The following APOD variants were observed in gnomAD, a reference collection of about 807,000 sequenced individuals.
APOD encodes the protein apo-D.
APOD carries 22 observed loss-of-function variants against 20.4 expected under a neutral mutation model. The ratio of observed to expected loss-of-function variants is 1.08; its 90% CI spans 0.77 to 1.54. The LOEUF (loss-of-function observed/expected upper bound fraction) is 1.54, where lower values mean the gene tolerates loss of function less well. APOD is among the 40% of genes most tolerant of loss of function. APOD has a pLI of 0.00. For missense variants in APOD, 223 were observed against 229.6 expected (o/e 0.97, Z 0.19); for synonymous variants, 97 against 92.4 (o/e 1.05, Z -0.29).
chr3:195,571,544 C>G (rs78923543), intron 3 of APOD, among the ~76,000 whole-genome samples, 179 bp from the exon 4 acceptor site: 10,464 of 152,156 alleles, frequency 0.069, 493 homozygotes, highest in South Asian at 0.19. Context: ...GCTCCATGGC[C>G]TGGCCTTTCC....
At chr3:195,572,779 A>T (rs1720184946) in intron 3 of APOD, among the ~76,000 whole-genome samples, 1 of 151,940 alleles carries the variant, frequency 6.6e-6, no homozygotes, top group Non-Finnish European at 1.5e-5. Flanking sequence ...TGGGAGGCCA[A>T]GGGGGGGCGG....
intron 2 of APOD, among the ~76,000 whole-genome samples, chr3:195,575,877 C>T (rs1045747724): frequency 2.0e-5 from 3 of 152,158 alleles, no homozygotes; most frequent in Non-Finnish European, 2.9e-5. Context: ...CCCCCTGCCT[C>T]GGCCTCCCAA....
intron 2 of APOD, among the ~76,000 whole-genome samples, chr3:195,578,231 T>A (rs1203540927): frequency 6.6e-6 from 1 of 152,164 alleles, no homozygotes; most frequent in Non-Finnish European, 1.5e-5. Context: ...CTCTCTGTGG[T>A]CTATCAGAGT....
At position 195,568,835 on chromosome 3, in the gene APOD, G is replaced by C. The variant is rs1015918248; in HGVS notation, c.*65C>G. On this transcript the variant is annotated 3_prime_UTR_variant, in exon 5 of 5. Transcript: ENST00000343267. ...TGGTTGATTGGTTTGTCTTTATGGG[G>C]GGGGGGTAGGGGAAAGCGAAGCAGA... 1.6e-5 allele frequency: 17 copies of C among 1,064,974 alleles called. No homozygotes were observed. Among genetic ancestry groups the C allele is most frequent in the South Asian group, 1.5e-4 (11 of 73,282 alleles). 66.0% of individuals were successfully genotyped at this position (1,064,974 alleles called of 1,614,324 possible).
At chr3:195,573,742 G>T in intron 3 of APOD, 108 bp downstream of exon 3, 1 of 1,411,950 alleles carries the variant, frequency 7.1e-7, no homozygotes, top group Non-Finnish European at 9.7e-7. Flanking sequence ...GGAGCAGGCA[G>T]TCCCGATCCA....
intron 2 of APOD, among the ~76,000 whole-genome samples, chr3:195,578,263 C>G (rs1050127563): frequency 6.6e-6 from 1 of 152,058 alleles, no homozygotes. Flanking sequence ...AGGGATCAGC[C>G]TGTAAGTGGA....
At chr3:195,571,235 A>T in intron 4 of APOD, 42 bp downstream of exon 4, 1 of 1,574,474 alleles carries the variant, frequency 6.4e-7, no homozygotes, top group Non-Finnish European at 8.7e-7. Context: ...CAGTTTGCAT[A>T]TTTCCTGTCC....
chr3:195,580,497 C>T (rs1024835895), intron 1 of APOD, among the ~76,000 whole-genome samples: 5 of 152,038 alleles, frequency 3.3e-5, no homozygotes, highest in East Asian at 3.9e-4. Context: ...CTCTGTCTCC[C>T]GGGTTCAAGT....
At position 195,579,363 on chromosome 3, in the gene APOD, C is replaced by T. The variant is rs754347210; in HGVS notation, c.99G>A (p.Val33=). ...CCTTATTCACGTCAAAATTCTCCTG[C>T]ACCGGAGGATTGGGGCACTTCCCAA... ...FHLGKCPNPP[V]QENFDVNKYL... is the part of the protein sequence containing the mutation. The change falls in exon 2 of 5, where the codon GTG becomes GTA. Residue 33 remains valine (V), a synonymous_variant. Transcript: ENST00000343267. 3 of 1,614,130 alleles carry T rather than the reference C, an allele frequency of 1.9e-6. No individual in the cohort carries two copies. Among genetic ancestry groups the T allele is most frequent in the Non-Finnish European group, 2.5e-6 (3 of 1,180,052 alleles).
intron 4 of APOD, 115 bp downstream of exon 4, chr3:195,571,162 G>T: frequency 1.1e-5 from 10 of 893,390 alleles, no homozygotes; most frequent in Admixed American, 1.7e-5. Flanking sequence ...ATAATTATGT[G>T]CTGAGTGATT....
Position 195,569,072 on chromosome 3 carries a change from G to T in APOD, c.398C>A (p.Ser133Tyr). ...AAAAAGTTGGATGATGCAGGTACAG[G>T]AATACACGAGGGCATAGTTCTCATA... ...TDYENYALVY[S>Y]CTCIIQLFHV... The change falls in exon 5 of 5, where the codon TCC becomes TAC. Residue 133 changes from serine to tyrosine, a missense_variant. By Grantham distance (144) the Ser-to-Tyr change is moderately radical. Coordinates refer to ENST00000343267, the MANE Select transcript of APOD (RefSeq NM_001647.4). The T allele has an allele frequency of 6.2e-7, 1 of 1,614,142 alleles. No homozygotes were observed. Among genetic ancestry groups the T allele is most frequent in the Non-Finnish European group, 8.5e-7 (1 of 1,180,026 alleles).
At chr3:195,574,883 G>A (rs929092757) in intron 2 of APOD, among the ~76,000 whole-genome samples, 1 of 152,188 alleles carries the variant, frequency 6.6e-6, no homozygotes, top group Non-Finnish European at 1.5e-5. Flanking sequence ...AAAGAGTCAG[G>A]TACAAAATAG....
At chr3:195,582,757 AAAAC>A (rs149002849) in intron 1 of APOD, 24,039 of 151,860 alleles carry the variant, frequency 0.16, 2,368 homozygotes, top group Non-Finnish European at 0.23. Context: ...AAACAAAACA[AAAAC>A]AAACAAACAA....
In APOD at chr3:195,569,384, C is replaced by CAG. The variant is rs141258760; in HGVS notation, c.335-251_335-250dup. ...TGCCTCACTCACCCAGAGAGAGAGA[C>CAG]AGAGAGAGAGAGAGAGACAGCGTTA... On this transcript the variant is annotated intron_variant, in intron 4 of 4. Coordinates refer to ENST00000343267, the MANE Select transcript of APOD (RefSeq NM_001647.4). Among the ~76,000 whole-genome samples, 720 of 150,510 alleles carry CAG rather than the reference C, an allele frequency of 4.8e-3. 6 individuals carry two copies. Among genetic ancestry groups the CAG allele is most frequent in the African/African-American group, 0.015 (634 of 41,186 alleles).
chr3:195,575,023 C>T (rs1720226390), intron 2 of APOD, among the ~76,000 whole-genome samples: 1 of 152,222 alleles, frequency 6.6e-6, no homozygotes, highest in Non-Finnish European at 1.5e-5. Flanking sequence ...TTGTGTAAGT[C>T]AGAAGTCTGA....
At chr3:195,569,593 A>G (rs1376759349) in intron 4 of APOD, among the ~76,000 whole-genome samples, 1 of 152,012 alleles carries the variant, frequency 6.6e-6, no homozygotes, top group Non-Finnish European at 1.5e-5. Context: ...GTTCCGAAGA[A>G]TAAATTTACC....
chr3:195,579,222 G>A, intron 2 of APOD, 117 bp downstream of exon 2: 1 of 1,488,258 alleles, frequency 6.7e-7, no homozygotes, highest in Non-Finnish European at 9.1e-7. Context: ...CCCCAAATAA[G>A]ATAAATACTT....
At chr3:195,579,516 TG>T in intron 1 of APOD, 21 bp from the exon 2 acceptor site, 1 of 1,599,222 alleles carries the variant, frequency 6.3e-7, no homozygotes, top group Non-Finnish European at 8.5e-7. Context: ...GCAAAGCAGC[TG>T]GGGTTGTCAT....
In APOD at chr3:195,569,100, C is replaced by T. The variant is rs201787147; in HGVS notation, c.370G>A (p.Asp124Asn). 2.0e-5 allele frequency: 32 copies of T among 1,614,118 alleles called. No homozygotes were observed. The highest frequency in any genetic ancestry group is 1.0e-4 in the Admixed American group (6 of 60,016). ...TACACGAGGGCATAGTTCTCATAGT[C>T]GGTGGCCAGGATCCAGTACGGTGCC... ...PSAPYWILAT[D>N]YENYALVYSC... Residue 124 changes from aspartate (D) to asparagine (N), a missense_variant, in exon 5 of 5, where the codon GAC becomes AAC. Asp to Asn is a conservative substitution (Grantham distance 23, BLOSUM62 1). Transcript: ENST00000343267.
Sources: allele counts gnomAD v4.1 joint callset (sites outside exome capture counted in the v4.1 genomes callset), GRCh38; gene constraint gnomAD v4.1.1; transcripts MANE v1.5; gene names NCBI Gene and HGNC (gene_info 2026-07-23, HGNC 2026-07-21).